SGCZ: variants seen among roughly 807,000 people sequenced by gnomAD.
The protein encoded by SGCZ is zeta-sarcoglycan.
A neutral mutation model predicts 41.3 loss-of-function variants in SGCZ; 40 were observed. The observed-to-expected ratio is 0.97, with a 90% CI of 0.75 to 1.26. SGCZ has a LOEUF of 1.26. SGCZ is among the 50% of genes most tolerant of loss of function. The probability of loss-of-function intolerance (pLI) is 0.00; values close to 1 mark genes in which losing one functional copy is unlikely to be tolerated. For synonymous variants in SGCZ, 206 were observed against 137.5 expected (o/e 1.50, Z -3.49); for missense variants, 552 against 369.8 (o/e 1.49, Z -4.04).
chr8:15,141,772 C>T (rs988630793), intron 1 of SGCZ, among the ~76,000 whole-genome samples: 2 of 152,030 alleles, frequency 1.3e-5, no homozygotes, highest in African/African-American at 4.8e-5. Flanking sequence ...CGTGGTGGTG[C>T]GTGCCTGTAA....
intron 1 of SGCZ, among the ~76,000 whole-genome samples, chr8:14,717,398 A>C (rs1809726930): frequency 6.6e-6 from 1 of 152,156 alleles, no homozygotes; most frequent in African/African-American, 2.4e-5. Context: ...TATGCTTAAA[A>C]TCAACATTAA....
intron 7 of SGCZ, among the ~76,000 whole-genome samples, chr8:14,092,462 T>C (rs2116954201): frequency 6.6e-6 from 1 of 152,176 alleles, no homozygotes; most frequent in South Asian, 2.1e-4. Context: ...GGACTTTTAA[T>C]CCAAAGGATA....
At chr8:14,205,158 T>C (rs1463332857) in intron 4 of SGCZ, among the ~76,000 whole-genome samples, 2 of 113,282 alleles carry the variant, frequency 1.8e-5, no homozygotes, top group African/African-American at 6.8e-5. Context: ...ACAAAAGTGG[T>C]ATCCTAGACT....
chr8:14,923,953 T>C (rs904395671), intron 1 of SGCZ, among the ~76,000 whole-genome samples: 3 of 152,140 alleles, frequency 2.0e-5, no homozygotes, highest in Admixed American at 2.0e-4. Flanking sequence ...GAGCTTCCCT[T>C]ATGTGACAAA....
At chr8:14,779,587 G>T (rs892592689) in intron 1 of SGCZ, among the ~76,000 whole-genome samples, 1 of 152,162 alleles carries the variant, frequency 6.6e-6, no homozygotes, top group African/African-American at 2.4e-5. Context: ...AGCAGAAATA[G>T]ATATTCAATG....
At chr8:15,100,498 G>C (rs1446959385) in intron 1 of SGCZ, among the ~76,000 whole-genome samples, 1 of 152,174 alleles carries the variant, frequency 6.6e-6, no homozygotes, top group Non-Finnish European at 1.5e-5. Context: ...TGAATAGGAA[G>C]ACTCAATATT....
chr8:15,181,800 CAG>C (rs1800188136), intron 1 of SGCZ, among the ~76,000 whole-genome samples: 1 of 152,060 alleles, frequency 6.6e-6, no homozygotes, highest in Non-Finnish European at 1.5e-5. Context: ...AGGTGAATAA[CAG>C]ATAAAAATTT....
chr8:14,102,894 A>G (rs1802078756), intron 6 of SGCZ, among the ~76,000 whole-genome samples: 1 of 152,174 alleles, frequency 6.6e-6, no homozygotes, highest in Non-Finnish European at 1.5e-5. Flanking sequence ...GGTTTAATAA[A>G]AAATTTACAG....
At chr8:14,823,597 G>A (rs1435991779) in intron 1 of SGCZ, among the ~76,000 whole-genome samples, 2 of 152,168 alleles carry the variant, frequency 1.3e-5, no homozygotes, top group African/African-American at 2.4e-5. Flanking sequence ...AGAACTTGTA[G>A]AGAGAAGGGA....
chr8:14,889,106 C>T (rs1157046450), intron 1 of SGCZ, among the ~76,000 whole-genome samples: 1 of 152,154 alleles, frequency 6.6e-6, no homozygotes, highest in African/African-American at 2.4e-5. Flanking sequence ...TGGAATCTAA[C>T]ATATATTCTT....
At chr8:14,620,115 G>T (rs897156843) in intron 1 of SGCZ, among the ~76,000 whole-genome samples, 1 of 152,078 alleles carries the variant, frequency 6.6e-6, no homozygotes, top group African/African-American at 2.4e-5. Context: ...GAACAGAACA[G>T]AGCCCTCCAA....
intron 1 of SGCZ, among the ~76,000 whole-genome samples, chr8:15,010,273 T>A (rs1402238858): frequency 6.6e-6 from 1 of 152,216 alleles, no homozygotes; most frequent in Non-Finnish European, 1.5e-5. Context: ...ATGACTTTTA[T>A]GTTTTATGTA....
intron 1 of SGCZ, among the ~76,000 whole-genome samples, chr8:14,646,379 AT>A (rs139807957): frequency 0.17 from 25,071 of 151,696 alleles, 2,231 homozygotes; most frequent in Admixed American, 0.19. Flanking sequence ...AATGGGTGTG[AT>A]TTTTTTCTTT....
intron 1 of SGCZ, among the ~76,000 whole-genome samples, chr8:14,862,809 C>T (rs1803801498): frequency 6.6e-6 from 1 of 151,724 alleles, no homozygotes; most frequent in African/African-American, 2.4e-5. Context: ...CTGCTTTCCC[C>T]TCTAGACACA....
chr8:14,262,445 A>G (rs1255693357), intron 3 of SGCZ, among the ~76,000 whole-genome samples: 3 of 152,088 alleles, frequency 2.0e-5, no homozygotes, highest in African/African-American at 7.2e-5. Context: ...ATAATTTTAA[A>G]TTTTTACTTA....
rs766917458 is a variant in SGCZ, at chr8:15,016,863, AT to A, written c.39+220721del. ...GGCAAAGGGAATGAACAGCCATGTCATTTGGCAAGAGAGAGAGAGAGAGAAA... is the reference window on the plus strand; with the variant it reads ...GGCAAAGGGAATGAACAGCCATGTCATTGGCAAGAGAGAGAGAGAGAGAAA... On this transcript the variant is annotated intron_variant, in intron 1 of 7. Coordinates refer to ENST00000382080, the MANE Select transcript of SGCZ (RefSeq NM_139167.4). Among the ~76,000 whole-genome samples, 137 of 152,232 alleles carry A rather than the reference AT, an allele frequency of 9.0e-4. No homozygotes were observed. In the Middle Eastern group the frequency reaches 0.02, roughly 23 times the overall value.
chr8:14,726,314 A>ATATATATATG (rs1395817336), intron 1 of SGCZ, among the ~76,000 whole-genome samples: 3 of 125,970 alleles, frequency 2.4e-5, no homozygotes, highest in Non-Finnish European at 4.8e-5. Context: ...GTAAATACAT[A>ATATATATATG]TATATATATC....
chr8:14,930,279 CA>C (rs1407169846), intron 1 of SGCZ, among the ~76,000 whole-genome samples: 1 of 151,950 alleles, frequency 6.6e-6, no homozygotes, highest in Non-Finnish European at 1.5e-5. Context: ...ATCAAAACCA[CA>C]ATGAGATACT....
At chr8:14,246,009 C>A (rs1283916933) in intron 3 of SGCZ, among the ~76,000 whole-genome samples, 1 of 152,168 alleles carries the variant, frequency 6.6e-6, no homozygotes, top group African/African-American at 2.4e-5. Flanking sequence ...GGACTGTAAA[C>A]TAGTTCAACC....
Sources: gnomAD v4.1 joint callset for allele counts (sites outside exome capture counted in the v4.1 genomes callset) on GRCh38, gnomAD v4.1.1 for gene constraint, MANE v1.5 for transcripts, NCBI Gene and HGNC (gene_info 2026-07-23, HGNC 2026-07-21) for gene names.